Variants in BBS9 observed in about 807,000 individuals in gnomAD.
The protein encoded by BBS9 is protein PTHB1.
A neutral mutation model predicts 117.7 loss-of-function variants in BBS9; 89 were observed. The observed-to-expected ratio is 0.76, with a 90% CI of 0.64 to 0.90. The LOEUF is 0.90. Among genes scored for constraint, BBS9 ranks in the 40% least tolerant of loss-of-function variants. The pLI, the probability that BBS9 is intolerant of heterozygous loss-of-function variation, is 0.00. For missense variants in BBS9, 982 were observed against 1,042.2 expected (o/e 0.94, Z 0.80); for synonymous variants, 379 against 370.9 (o/e 1.02, Z -0.25).
chr7:33,336,720 T>G, intron 10 of BBS9, 98 bp downstream of exon 10: 1 of 865,900 alleles, frequency 1.2e-6, no homozygotes, highest in Non-Finnish European at 1.8e-6. Flanking sequence ...AATTTTCTCC[T>G]CTAGGCTTAA....
intron 5 of BBS9, among the ~76,000 whole-genome samples, chr7:33,226,273 A>G (rs1791258119): frequency 6.6e-6 from 1 of 152,014 alleles, no homozygotes; most frequent in Non-Finnish European, 1.5e-5. Flanking sequence ...ATTGGAGATG[A>G]TTTTTAATGG....
intron 7 of BBS9, among the ~76,000 whole-genome samples, chr7:33,265,543 A>G (rs1038380692): frequency 2.0e-5 from 3 of 152,094 alleles, no homozygotes; most frequent in African/African-American, 7.2e-5. Flanking sequence ...GATAATATCT[A>G]TTTTAAAATG....
intron 9 of BBS9, among the ~76,000 whole-genome samples, chr7:33,325,304 A>G (rs2128593500): frequency 6.6e-6 from 1 of 152,270 alleles, no homozygotes; most frequent in Middle Eastern, 3.4e-3. Flanking sequence ...GCATTTTTCA[A>G]TTCCAGAATT....
At chr7:33,597,069 T>TCACA (rs58511454) in intron 21 of BBS9, among the ~76,000 whole-genome samples, 2,372 of 138,902 alleles carry the variant, frequency 0.017, 26 homozygotes, top group Middle Eastern at 0.044. Context: ...TCTCTCTCTG[T>TCACA]CACACACACA....
Position 33,627,497 on chromosome 7 carries a change from C to T in BBS9, c.2522-7680C>T, listed in dbSNP as rs139958159. On this transcript the variant is annotated intron_variant, in intron 21 of 21. Transcript: ENST00000671952. ...GAGCTGTGAGAAGAGGTCCACCATC[C>T]TCCAGACCCCAGAATGGTAGATCCA... Among the ~76,000 whole-genome samples the T allele has an allele frequency of 8.1e-3, 1,234 of 152,292 alleles. 23 individuals carry two copies. Among genetic ancestry groups the T allele is most frequent in the African/African-American group, 0.028 (1,175 of 41,562 alleles).
intron 19 of BBS9, among the ~76,000 whole-genome samples, chr7:33,403,497 G>A (rs1829333640): frequency 8.2e-6 from 1 of 122,392 alleles, no homozygotes; most frequent in East Asian, 2.5e-4. Flanking sequence ...GCCAGAGTGT[G>A]ATATTCCCCT....
intron 9 of BBS9, among the ~76,000 whole-genome samples, chr7:33,318,940 G>A (rs1386322606): frequency 1.3e-5 from 2 of 152,072 alleles, no homozygotes; most frequent in East Asian, 3.9e-4. Flanking sequence ...CAGTGTGGGC[G>A]GATCACGAGG....
At chr7:33,264,396 T>A in intron 7 of BBS9, 22 bp downstream of exon 7, 1 of 1,441,918 alleles carries the variant, frequency 6.9e-7, no homozygotes, top group Non-Finnish European at 9.6e-7. Flanking sequence ...TTTTAATATA[T>A]AAAAATTTCA....
intron 15 of BBS9, 131 bp from the exon 16 acceptor site, chr7:33,357,724 C>A (rs752742167): frequency 2.2e-6 from 2 of 915,598 alleles, no homozygotes; most frequent in South Asian, 1.3e-5. Flanking sequence ...GTTATTTCAG[C>A]TTTGTTAAGC....
At chr7:33,282,226 A>C (rs531144699) in intron 9 of BBS9, among the ~76,000 whole-genome samples, 1 of 152,348 alleles carries the variant, frequency 6.6e-6, no homozygotes, top group African/African-American at 2.4e-5. Context: ...AAGAAAAATA[A>C]AATACCTTTT....
At position 33,191,923 on chromosome 7, in the gene BBS9, G is replaced by A. The variant is rs564848448; in HGVS notation, c.442+14332G>A. 1.2e-4 allele frequency among the ~76,000 whole-genome samples: 18 copies of A among 151,404 alleles called. 1 individual carries two copies. In the South Asian group the frequency reaches 3.7e-3, roughly 32 times the overall value. ...TTATAAAAGTAGTCTTGTTCACAGA[G>A]GCATATTTAAAACATATGTACCGGT... On this transcript the variant is annotated intron_variant, in intron 5 of 22. Coordinates refer to ENST00000242067, the MANE Select transcript of BBS9 (RefSeq NM_198428.3).
At chr7:33,179,725 C>G (rs9791864) in intron 5 of BBS9, among the ~76,000 whole-genome samples, 23,515 of 152,050 alleles carry the variant, frequency 0.15, 2,018 homozygotes, top group South Asian at 0.22. Flanking sequence ...CTGAGTCATC[C>G]CGAAATCTTC....
At chr7:33,209,727 G>C (rs1033590483) in intron 5 of BBS9, among the ~76,000 whole-genome samples, 8 of 152,112 alleles carry the variant, frequency 5.3e-5, no homozygotes, top group African/African-American at 1.7e-4. Context: ...TTTATGCATT[G>C]TCTGTTGTAA....
chr7:33,592,853 C>T (rs577181088), intron 21 of BBS9, among the ~76,000 whole-genome samples: 9 of 152,108 alleles, frequency 5.9e-5, no homozygotes, highest in South Asian at 2.1e-4. Context: ...CACTAGCTCT[C>T]TTATTATGTG....
At chr7:33,471,937 C>T (rs1030680686) in intron 19 of BBS9, among the ~76,000 whole-genome samples, 1 of 152,190 alleles carries the variant, frequency 6.6e-6, no homozygotes, top group Non-Finnish European at 1.5e-5. Context: ...AGGATTTCTT[C>T]AGGCCAGATT....
chr7:33,331,442 A>G (rs1419599916), intron 9 of BBS9, among the ~76,000 whole-genome samples: 1 of 152,180 alleles, frequency 6.6e-6, no homozygotes, highest in Non-Finnish European at 1.5e-5. Context: ...AAAGAAAGAA[A>G]TAATCCAAAT....
At chr7:33,560,847 C>T (rs1165150086) in intron 21 of BBS9, among the ~76,000 whole-genome samples, 1 of 152,160 alleles carries the variant, frequency 6.6e-6, no homozygotes, top group African/African-American at 2.4e-5. Flanking sequence ...TAATGTTTAA[C>T]TTTAATCCCT....
At chr7:33,244,540 G>T (rs1338733632) in intron 5 of BBS9, among the ~76,000 whole-genome samples, 4 of 152,138 alleles carry the variant, frequency 2.6e-5, no homozygotes, top group African/African-American at 9.7e-5. Context: ...GGGTGCTGGG[G>T]GAAGTTGGCT....
At chr7:33,276,104 T>C (rs1397669128) in intron 9 of BBS9, among the ~76,000 whole-genome samples, 1 of 152,004 alleles carries the variant, frequency 6.6e-6, no homozygotes, top group East Asian at 1.9e-4. Flanking sequence ...GATTTTTCTT[T>C]TCTTACATAT....
Sources: allele counts gnomAD v4.1 joint callset (sites outside exome capture counted in the v4.1 genomes callset), GRCh38; gene constraint gnomAD v4.1.1; transcripts MANE v1.5; gene names NCBI Gene and HGNC (gene_info 2026-07-23, HGNC 2026-07-21).